The following RORA variants were observed in gnomAD, a reference collection of about 807,000 sequenced individuals.
RORA encodes RAR related orphan receptor A, also known as nuclear receptor ROR-alpha.
RORA carries 7 observed loss-of-function variants against 69.5 expected under a neutral mutation model. The observed-to-expected ratio is 0.10, with a 90% CI of 0.06 to 0.19. The LOEUF (loss-of-function observed/expected upper bound fraction) is 0.19. Ranked by LOEUF, RORA falls within the 10% of genes least tolerant of loss-of-function variation. The pLI is 1.00. For missense variants in RORA, 457 were observed against 663.0 expected, an observed-to-expected ratio of 0.69 and a Z score of 3.41; for synonymous variants, 261 against 240.8, an observed-to-expected ratio of 1.08 and a Z score of -0.78.
At chr15:60,956,743 A>G (rs1893277436) in intron 1 of RORA, among the ~76,000 whole-genome samples, 1 of 152,222 alleles carries the variant, frequency 6.6e-6, no homozygotes, top group African/African-American at 2.4e-5. Flanking sequence ...TATTACTGTT[A>G]CAATGATTAC....
At chr15:60,581,177 T>A (rs1029136289) in intron 2 of RORA, among the ~76,000 whole-genome samples, 1 of 152,122 alleles carries the variant, frequency 6.6e-6, no homozygotes, top group Non-Finnish European at 1.5e-5. Flanking sequence ...AGCCAATATT[T>A]CCCCTAAGCA....
At chr15:60,587,836 A>G (rs1260571402) in intron 2 of RORA, among the ~76,000 whole-genome samples, 2 of 152,226 alleles carry the variant, frequency 1.3e-5, no homozygotes, top group Non-Finnish European at 2.9e-5. Context: ...CAAAAAGAAA[A>G]TCCAGAAACA....
intron 1 of RORA, among the ~76,000 whole-genome samples, chr15:61,078,334 T>TGC (rs1284425871): frequency 1.1e-5 from 1 of 90,988 alleles, no homozygotes; most frequent in Non-Finnish European, 2.2e-5. Flanking sequence ...TGGCTCTGTG[T>TGC]GTGTGTGTGT....
At chr15:60,646,604 C>T (rs1239685913) in intron 2 of RORA, among the ~76,000 whole-genome samples, 3 of 152,258 alleles carry the variant, frequency 2.0e-5, no homozygotes, top group Admixed American at 1.3e-4. Flanking sequence ...GGTGGCACCA[C>T]TGTCCCCCAA....
At chr15:60,947,775 C>A (rs1279208151) in intron 1 of RORA, among the ~76,000 whole-genome samples, 1 of 150,536 alleles carries the variant, frequency 6.6e-6, no homozygotes, top group East Asian at 2.0e-4. Context: ...AAAGTGCAGT[C>A]TTGGGTGCTG....
intron 1 of RORA, among the ~76,000 whole-genome samples, chr15:60,894,417 G>C (rs924153708): frequency 6.6e-6 from 1 of 152,184 alleles, no homozygotes; most frequent in African/African-American, 2.4e-5. Flanking sequence ...AAAAAAATTA[G>C]TGAACACAGT....
chr15:60,703,694 C>T (rs1477989687), intron 1 of RORA, among the ~76,000 whole-genome samples: 1 of 152,150 alleles, frequency 6.6e-6, no homozygotes, highest in Admixed American at 6.5e-5. Context: ...AAGGTGCCAG[C>T]TCACATCACA....
At chr15:60,779,746 A>C (rs2072227128) in intron 1 of RORA, among the ~76,000 whole-genome samples, 1 of 152,228 alleles carries the variant, frequency 6.6e-6, no homozygotes. Flanking sequence ...CAACAAACTT[A>C]ACATGGTTCT....
chr15:60,964,247 G>T (rs987724706), intron 1 of RORA, among the ~76,000 whole-genome samples: 1 of 152,174 alleles, frequency 6.6e-6, no homozygotes, highest in Admixed American at 6.5e-5. Context: ...GGTGCCTGAG[G>T]CATTAATATG....
At chr15:61,200,180 G>A (rs1219830063) in intron 1 of RORA, among the ~76,000 whole-genome samples, 1 of 152,196 alleles carries the variant, frequency 6.6e-6, no homozygotes, top group African/African-American at 2.4e-5. Context: ...ACCTTGACAG[G>A]AGAGTCGGGA....
intron 1 of RORA, among the ~76,000 whole-genome samples, chr15:61,132,966 G>A (rs1374493816): frequency 1.3e-5 from 2 of 152,016 alleles, no homozygotes; most frequent in Non-Finnish European, 2.9e-5. Flanking sequence ...GAAATCTGGC[G>A]GTTAATAAAA....
intron 1 of RORA, among the ~76,000 whole-genome samples, chr15:60,965,317 C>T (rs576740385): frequency 6.6e-6 from 1 of 152,274 alleles, no homozygotes; most frequent in African/African-American, 2.4e-5. Flanking sequence ...CAATAGAACA[C>T]AAATGGCAAA....
intron 2 of RORA, among the ~76,000 whole-genome samples, chr15:60,542,694 CGGCACACG>C (rs2066929255): frequency 6.8e-6 from 1 of 147,482 alleles, no homozygotes; most frequent in East Asian, 2.0e-4. Context: ...CTCCCACACA[CGGCACACG>C]GGCACACCTC....
At chr15:60,497,909 A>T (rs1271574666) in intron 10 of RORA, among the ~76,000 whole-genome samples, 1 of 151,884 alleles carries the variant, frequency 6.6e-6, no homozygotes, top group African/African-American at 2.4e-5. Context: ...AAAAAAAAAA[A>T]TTAGCTAGGC....
intron 1 of RORA, among the ~76,000 whole-genome samples, chr15:60,800,388 G>A (rs184710399): frequency 9.0e-4 from 137 of 152,338 alleles, no homozygotes; most frequent in African/African-American, 3.2e-3. Flanking sequence ...AAGCAGAGAA[G>A]GAAATGCCAG....
chr15:60,831,500 T>C (rs1401947086), intron 1 of RORA, among the ~76,000 whole-genome samples: 1 of 152,158 alleles, frequency 6.6e-6, no homozygotes, highest in Non-Finnish European at 1.5e-5. Flanking sequence ...AAATCTTCCC[T>C]GGAGGTCAGG....
intron 1 of RORA, among the ~76,000 whole-genome samples, chr15:61,127,299 T>G (rs947929383): frequency 2.6e-5 from 4 of 152,172 alleles, no homozygotes; most frequent in African/African-American, 9.7e-5. Flanking sequence ...CTTTGGAGAA[T>G]GACATGCAAG....
intron 1 of RORA, among the ~76,000 whole-genome samples, chr15:61,068,867 G>GA (rs1268680409): frequency 6.6e-6 from 1 of 152,056 alleles, no homozygotes; most frequent in Non-Finnish European, 1.5e-5. Flanking sequence ...AAGTACTCTT[G>GA]AAAAAACAAA....
chr15:61,185,763 A>T (rs1401103331), intron 1 of RORA, among the ~76,000 whole-genome samples: 1 of 152,178 alleles, frequency 6.6e-6, no homozygotes, highest in Non-Finnish European at 1.5e-5. Flanking sequence ...CCTCAGGCCC[A>T]GCCTAATCTC....
Sources: allele counts gnomAD v4.1 joint callset (sites outside exome capture counted in the v4.1 genomes callset), GRCh38; gene constraint gnomAD v4.1.1; transcripts MANE v1.5; gene names NCBI Gene and HGNC (gene_info 2026-07-23, HGNC 2026-07-21).